Variants in PIK3R3 observed in about 807,000 individuals in gnomAD.
PIK3R3 encodes phosphoinositide-3-kinase regulatory subunit 3.
In PIK3R3, 64 loss-of-function variants were observed where a neutral mutation model predicts 62.9. The ratio of observed to expected loss-of-function variants is 1.02; its 90% CI spans 0.83 to 1.25. The LOEUF (loss-of-function observed/expected upper bound fraction) is 1.25, where lower values mean the gene tolerates loss of function less well. Ranked by LOEUF, PIK3R3 falls within the 50% of genes most tolerant of loss-of-function variation. The pLI, the probability that PIK3R3 is intolerant of heterozygous loss-of-function variation, is 0.00. For missense variants in PIK3R3, 614 were observed against 561.6 expected (o/e 1.09, Z -0.94); for synonymous variants, 165 against 189.0 (o/e 0.87, Z 1.04).
chr1:46,130,503 G>A (rs2149479745), intron 1 of PIK3R3, among the ~76,000 whole-genome samples: 1 of 151,878 alleles, frequency 6.6e-6, no homozygotes, highest in East Asian at 1.9e-4. Context: ...TGATCATCAA[G>A]AGTGAAAAAG....
At chr1:46,143,203 A>G in the PIK3R3 span, among the ~76,000 whole-genome samples, 1 of 152,138 alleles carries the variant, frequency 6.6e-6, no homozygotes. Context: ...CCAGGACCTC[A>G]CTGGGTAGAT....
chr1:46,077,865 G>A (rs1650214309), intron 2 of PIK3R3, among the ~76,000 whole-genome samples: 1 of 152,316 alleles, frequency 6.6e-6, no homozygotes, highest in East Asian at 1.9e-4. Context: ...GATTTCAAAT[G>A]TGTGTAAGAG....
At position 46,046,607 on chromosome 1, in the gene PIK3R3, T is replaced by A; in HGVS notation, c.960A>T (p.Gly320=). 6.2e-7 allele frequency: 1 copy of A among 1,613,338 alleles called. No individual in the cohort carries two copies. The highest frequency in any genetic ancestry group is 8.5e-7 in the Non-Finnish European group (1 of 1,179,296). Residue 320 remains glycine, a synonymous_variant, in exon 8 of 10, where the codon GGA becomes GGT. Coordinates refer to ENST00000262741, the MANE Select transcript of PIK3R3 (RefSeq NM_003629.4). ...DQHLVWLNHK[G]VRQKRLNVWL... ...AGACATTCAGGCGTTTCTGTCTCAC[T>A]CCTTTGTGATTGAGCCATCTGCCAG...
intron 1 of PIK3R3, among the ~76,000 whole-genome samples, chr1:46,130,615 C>A (rs1483219362): frequency 6.6e-6 from 1 of 151,936 alleles, no homozygotes; most frequent in Non-Finnish European, 1.5e-5. Flanking sequence ...GAAACAATTT[C>A]TACATACCTT....
intron 1 of PIK3R3, among the ~76,000 whole-genome samples, chr1:46,100,324 T>C (rs1321747708): frequency 1.3e-5 from 2 of 152,218 alleles, no homozygotes; most frequent in Non-Finnish European, 2.9e-5. Context: ...ATATGGTAAG[T>C]AGAAATCTCA....
rs1051255125 is a variant in PIK3R3 at position 46,121,443 on chromosome 1, G to A, written c.106+10404C>T. 2.6e-5 allele frequency among the ~76,000 whole-genome samples: 4 copies of A among 152,148 alleles called. No homozygotes were observed. The East Asian group carries it at 7.7e-4, about 29-fold the overall frequency. On this transcript the variant is annotated intron_variant, in intron 1 of 9. Coordinates refer to ENST00000262741, the MANE Select transcript of PIK3R3 (RefSeq NM_003629.4). The stretch of plus-strand genomic sequence containing the variant: ...ATTCCTTTCAGCAAGACCTTTTTCA[G>A]AGCAATTTTCATTCAGATTTTTAAT...
At chr1:46,068,242 CATACA>C (rs1199977651) in intron 3 of PIK3R3, among the ~76,000 whole-genome samples, 1 of 152,282 alleles carries the variant, frequency 6.6e-6, no homozygotes, top group East Asian at 1.9e-4. Flanking sequence ...TACACTCACA[CATACA>C]ATAATTGCAA....
chr1:46,143,226 A>G, the PIK3R3 span, among the ~76,000 whole-genome samples: 1 of 152,288 alleles, frequency 6.6e-6, no homozygotes, highest in African/African-American at 2.4e-5. Context: ...GCTAGCTCCA[A>G]GATCACTGCT....
chr1:46,153,045 T>C, the PIK3R3 span, among the ~76,000 whole-genome samples: 1 of 152,232 alleles, frequency 6.6e-6, no homozygotes, highest in Non-Finnish European at 1.5e-5. Context: ...GAAGTCTATA[T>C]CTACCTCCAC....
chr1:46,132,601 A>G lies in PIK3R3; in HGVS notation c.-649T>C, dbSNP rs1707303. On this transcript the variant is annotated 5_prime_UTR_variant, in exon 1 of 10. Transcript: ENST00000262741. ...CCGCCGGGGTGTAAGAACCAACCCG[A>G]CCGCACCAACTGCCCTCAAGCTCTG... The G allele has an allele frequency of 1.6e-6, 2 of 1,288,690 alleles. No individual in the cohort carries two copies. Among genetic ancestry groups the G allele is most frequent in the Non-Finnish European group, 2.0e-6 (2 of 988,420 alleles). 79.8% of individuals were successfully genotyped at this position (1,288,690 alleles called of 1,614,324 possible).
chr1:46,089,456 C>T (rs1651397713), intron 1 of PIK3R3, among the ~76,000 whole-genome samples: 1 of 152,142 alleles, frequency 6.6e-6, no homozygotes, highest in South Asian at 2.1e-4. Flanking sequence ...TGGCTCACGC[C>T]TGTAATCCCA....
chr1:46,080,715 C>A lies in PIK3R3; in HGVS notation c.142G>T (p.Ala48Ser). 1 of 1,613,824 alleles carries A rather than the reference C, an allele frequency of 6.2e-7. No homozygotes were observed. The highest frequency in any genetic ancestry group is 8.5e-7 in the Non-Finnish European group (1 of 1,179,722). ...PPKPPKPMTS[A>S]VPNGMKDSSV... ...CTGTCCTTCATTCCATTTGGAACTG[C>A]TGAAGTCATTGGCTTAGGTGGCTTT... Residue 48 changes from alanine to serine, a missense_variant, in exon 2 of 10, where the codon GCA (alanine) becomes TCA (serine). Transcript: ENST00000262741.
In PIK3R3 at chr1:46,130,691, C is replaced by T. The variant is rs141233497; in HGVS notation, c.106+1156G>A. Among the ~76,000 whole-genome samples the T allele has an allele frequency of 4.8e-3, 729 of 152,244 alleles. 4 individuals carry two copies. The highest frequency in any genetic ancestry group is 0.017 in the African/African-American group (702 of 41,540). The stretch of plus-strand genomic sequence containing the variant: ...ATCCTTTCAAACGTTTCCAAAAATA[C>T]AGTCTTATAATAAACGAGGTTCCCC... On this transcript the variant is annotated intron_variant, in intron 1 of 9. Coordinates refer to ENST00000262741, the MANE Select transcript of PIK3R3 (RefSeq NM_003629.4).
the PIK3R3 span, among the ~76,000 whole-genome samples, chr1:46,168,542 A>G: frequency 6.6e-6 from 1 of 152,304 alleles, no homozygotes; most frequent in African/African-American, 2.4e-5. Flanking sequence ...CAGTGACCCT[A>G]TCAGCCAGTG....
At chr1:46,049,380 TGA>T (rs1273591851) in intron 7 of PIK3R3, among the ~76,000 whole-genome samples, 1 of 152,196 alleles carries the variant, frequency 6.6e-6, no homozygotes, top group African/African-American at 2.4e-5. Flanking sequence ...GGGAAGCCCC[TGA>T]GAGAGAAGGA....
intron 5 of PIK3R3, among the ~76,000 whole-genome samples, chr1:46,062,277 A>G (rs1648574177): frequency 6.6e-6 from 1 of 152,192 alleles, no homozygotes; most frequent in African/African-American, 2.4e-5. Context: ...AAAATACATC[A>G]TTTAAACTAT....
chr1:46,142,258 A>T, the PIK3R3 span, among the ~76,000 whole-genome samples: 2 of 152,224 alleles, frequency 1.3e-5, no homozygotes, highest in Non-Finnish European at 2.9e-5. Context: ...TGCCTACTGG[A>T]TGCCACACAA....
upstream of PIK3R3, among the ~76,000 whole-genome samples, chr1:46,135,557 C>T (rs1655898789): frequency 6.6e-6 from 1 of 152,100 alleles, no homozygotes; most frequent in Non-Finnish European, 1.5e-5. Context: ...TTTTCTGCAA[C>T]TGTTCAAATA....
intron 1 of PIK3R3, among the ~76,000 whole-genome samples, chr1:46,108,364 G>A (rs569723538): frequency 6.6e-6 from 1 of 152,268 alleles, no homozygotes; most frequent in South Asian, 2.1e-4. Context: ...TGAACGAGGA[G>A]GATCAATCCA....
Sources: allele counts gnomAD v4.1 joint callset (sites outside exome capture counted in the v4.1 genomes callset), GRCh38; gene constraint gnomAD v4.1.1; transcripts MANE v1.5; gene names NCBI Gene and HGNC (gene_info 2026-07-23, HGNC 2026-07-21).